The following ATP2B4 variants were observed in gnomAD, a reference collection of about 807,000 sequenced individuals.
ATP2B4 encodes the protein ATPase plasma membrane Ca2+ transporting 4.
A neutral mutation model predicts 110.3 loss-of-function variants in ATP2B4; 39 were observed. The observed-to-expected ratio is 0.35, with a 90% confidence interval of 0.27 to 0.46. ATP2B4 has a LOEUF of 0.46. Among genes scored for constraint, ATP2B4 ranks in the 20% least tolerant of loss-of-function variants. The probability of loss-of-function intolerance (pLI) is 1.00; values close to 1 mark genes in which losing one functional copy is unlikely to be tolerated. For synonymous variants in ATP2B4, 538 were observed against 571.7 expected (o/e 0.94, Z 0.84); for missense variants, 1,135 against 1,530.9 (o/e 0.74, Z 4.32).
intron 11 of ATP2B4, among the ~76,000 whole-genome samples, chr1:203,710,331 C>T (rs1333648771): frequency 6.6e-6 from 1 of 151,842 alleles, no homozygotes; most frequent in African/African-American, 2.4e-5. Context: ...GATCGCACCA[C>T]TGCACTCCAG....
chr1:203,666,663 C>G (rs1194177570), intron 1 of ATP2B4, among the ~76,000 whole-genome samples: 3 of 152,196 alleles, frequency 2.0e-5, no homozygotes, highest in Non-Finnish European at 2.9e-5. Flanking sequence ...TGAGGCCTCT[C>G]TCCCTATGCT....
At chr1:203,670,841 C>A (rs972116930) in intron 1 of ATP2B4, among the ~76,000 whole-genome samples, 4 of 152,340 alleles carry the variant, frequency 2.6e-5, no homozygotes, top group Admixed American at 2.6e-4. Context: ...ATGGGAGCAT[C>A]AGTGTCTTCC....
chr1:203,634,351 C>T (rs1347131694), intron 1 of ATP2B4, among the ~76,000 whole-genome samples: 1 of 152,080 alleles, frequency 6.6e-6, no homozygotes, highest in Admixed American at 6.6e-5. Context: ...CTTTATTTAC[C>T]TACCTATTTT....
intron 15 of ATP2B4, among the ~76,000 whole-genome samples, chr1:203,719,721 T>TATAAATAAATAAATAAATAAATAA (rs34272522): frequency 1.3e-3 from 195 of 146,290 alleles, no homozygotes; most frequent in African/African-American, 4.5e-3. Flanking sequence ...TCTCAAAAAC[T>TATAAATAAATAAATAAATAAATAA]ATAAATAAAT....
intron 1 of ATP2B4, among the ~76,000 whole-genome samples, chr1:203,637,153 T>C (rs1178773423): frequency 6.6e-6 from 1 of 152,154 alleles, no homozygotes; most frequent in Non-Finnish European, 1.5e-5. Flanking sequence ...AATATACGGC[T>C]GGGTGCGGTG....
intron 1 of ATP2B4, among the ~76,000 whole-genome samples, chr1:203,659,332 G>A (rs1290818906): frequency 1.3e-5 from 2 of 152,170 alleles, no homozygotes; most frequent in African/African-American, 2.4e-5. Flanking sequence ...ATAATTTCAT[G>A]TAATATATGT....
intron 1 of ATP2B4, among the ~76,000 whole-genome samples, chr1:203,653,640 C>T (rs1045780627): frequency 5.3e-5 from 8 of 152,070 alleles, no homozygotes; most frequent in Non-Finnish European, 1.0e-4. Flanking sequence ...TATGAATTTT[C>T]CACCCCTCAA....
intron 1 of ATP2B4, among the ~76,000 whole-genome samples, chr1:203,650,369 T>TG (rs1002304494): frequency 6.6e-6 from 1 of 151,964 alleles, no homozygotes; most frequent in African/African-American, 2.4e-5. Context: ...TGTGATGTGG[T>TG]GGGGGACAGG....
intron 1 of ATP2B4, among the ~76,000 whole-genome samples, chr1:203,627,428 A>C (rs1398919232): frequency 1.3e-5 from 2 of 152,198 alleles, no homozygotes; most frequent in African/African-American, 4.8e-5. Context: ...ATATAGTCGA[A>C]CAAGTGATTT....
intron 1 of ATP2B4, among the ~76,000 whole-genome samples, chr1:203,668,364 C>T (rs533154049): frequency 1.3e-5 from 2 of 152,244 alleles, no homozygotes; most frequent in Non-Finnish European, 2.9e-5. Flanking sequence ...AGATTGGGAG[C>T]TTGGCTGAGC....
At chr1:203,738,217 A>T (rs942994106) in intron 20 of ATP2B4, among the ~76,000 whole-genome samples, 2 of 151,788 alleles carry the variant, frequency 1.3e-5, no homozygotes, top group African/African-American at 4.8e-5. Flanking sequence ...CAACAACTAG[A>T]ACCGTCCTAC....
chr1:203,709,280 T>C (rs540759063), intron 10 of ATP2B4, 21 bp from the exon 11 acceptor site: 4 of 1,614,082 alleles, frequency 2.5e-6, no homozygotes, highest in South Asian at 2.2e-5. Context: ...TCAATAGTGC[T>C]GTGTATATTT....
rs1665623797 is a variant in ATP2B4 at position 203,699,361 on chromosome 1, C to T, written c.392-99C>T. On this transcript the variant is annotated intron_variant, in intron 3 of 20. Transcript: ENST00000357681. ...GTTGTATTTGCTATTATTCACTTTT[C>T]CTGACTTTCTATCTTGGGGTGATTG... 17 of 1,504,058 alleles carry T rather than the reference C, an allele frequency of 1.1e-5. No individual in the cohort carries two copies. The South Asian group carries it at 2.1e-4, about 19-fold the overall frequency. The allele number at this position is 1,504,058 out of a possible 1,614,324, so 93.2% of individuals were successfully genotyped here.
intron 1 of ATP2B4, among the ~76,000 whole-genome samples, chr1:203,651,134 T>G (rs538994121): frequency 1.3e-5 from 2 of 152,322 alleles, no homozygotes; most frequent in African/African-American, 4.8e-5. Context: ...AGTTCTTATT[T>G]AAGAGTCTTG....
intron 1 of ATP2B4, among the ~76,000 whole-genome samples, chr1:203,682,188 C>A (rs1665036360): frequency 6.6e-6 from 1 of 152,108 alleles, no homozygotes; most frequent in Non-Finnish European, 1.5e-5. Flanking sequence ...CTCTAAGGGG[C>A]TTTGGAAGAT....
intron 20 of ATP2B4, 81 bp from the exon 21 acceptor site, chr1:203,739,465 C>A: frequency 7.0e-7 from 1 of 1,434,426 alleles, no homozygotes. Flanking sequence ...TGTTTCTCTC[C>A]TAAATCCACC....
chr1:203,718,015 G>T (rs901057777), intron 15 of ATP2B4, among the ~76,000 whole-genome samples: 17 of 152,016 alleles, frequency 1.1e-4, no homozygotes, highest in Non-Finnish European at 2.5e-4. Flanking sequence ...GAACTCAAAG[G>T]TGTTCCTTGC....
chr1:203,646,709 G>A (rs972982685), intron 1 of ATP2B4, among the ~76,000 whole-genome samples: 1 of 152,030 alleles, frequency 6.6e-6, no homozygotes, highest in African/African-American at 2.4e-5. Context: ...GTTACAGTGA[G>A]CCGAGATTGT....
At chr1:203,685,032 G>A (rs1665139471) in intron 2 of ATP2B4, among the ~76,000 whole-genome samples, 1 of 151,938 alleles carries the variant, frequency 6.6e-6, no homozygotes, top group Admixed American at 6.6e-5. Flanking sequence ...TGTATTTTTA[G>A]TAGAGATGGA....
Sources: gnomAD v4.1 joint callset for allele counts (sites outside exome capture counted in the v4.1 genomes callset) on GRCh38, gnomAD v4.1.1 for gene constraint, MANE v1.5 for transcripts, NCBI Gene and HGNC (gene_info 2026-07-23, HGNC 2026-07-21) for gene names.